Variants in ERC2 observed in about 807,000 individuals in gnomAD.
ERC2 encodes the protein ELKS/RAB6-interacting/CAST family member 2.
ERC2 carries 42 observed loss-of-function variants against 114.8 expected under a neutral mutation model. The ratio of observed to expected loss-of-function variants is 0.37; its 90% CI spans 0.29 to 0.47. The LOEUF (loss-of-function observed/expected upper bound fraction) is 0.47. ERC2 is among the 20% of genes least tolerant of loss of function. The pLI is 0.99. For missense variants in ERC2, 939 were observed against 1,150.7 expected, an observed-to-expected ratio of 0.82 and a Z score of 2.66; for synonymous variants, 454 against 425.5, an observed-to-expected ratio of 1.07 and a Z score of -0.82.
chr3:55,521,557 A>C (rs2052936673), intron 17 of ERC2, among the ~76,000 whole-genome samples: 1 of 152,246 alleles, frequency 6.6e-6, no homozygotes, highest in African/African-American at 2.4e-5. Context: ...CATTTGCTTC[A>C]GGCTGGGCCA....
In ERC2 at chr3:56,405,337, G is replaced by A. The variant is rs540467677; in HGVS notation, c.657+29014C>T. 2.6e-5 allele frequency among the ~76,000 whole-genome samples: 4 copies of A among 152,108 alleles called. No homozygotes were observed. The East Asian group carries it at 5.8e-4, about 22-fold the overall frequency. The stretch of plus-strand genomic sequence containing the variant: ...TGGGTGCCTATAATCCCAGCTACTC[G>A]GGAGGCTTGAGCCTGGGAGGCAGAG... On this transcript the variant is annotated intron_variant, in intron 2 of 17. Transcript: ENST00000288221.
At chr3:56,343,729 C>G (rs1321545692) in intron 2 of ERC2, among the ~76,000 whole-genome samples, 2 of 152,162 alleles carry the variant, frequency 1.3e-5, no homozygotes, top group Non-Finnish European at 2.9e-5. Flanking sequence ...CTAGTAAGTG[C>G]ACCAGAATGT....
intron 7 of ERC2, among the ~76,000 whole-genome samples, chr3:56,072,594 A>C (rs933566248): frequency 6.6e-6 from 1 of 152,206 alleles, no homozygotes; most frequent in Non-Finnish European, 1.5e-5. Context: ...TTCAATCTAC[A>C]TTGAACAGAA....
chr3:56,411,547 C>T (rs1480888505), intron 2 of ERC2, among the ~76,000 whole-genome samples: 3 of 152,014 alleles, frequency 2.0e-5, no homozygotes, highest in Non-Finnish European at 2.9e-5. Flanking sequence ...AAAATTCATT[C>T]CTCTGTTAAA....
chr3:55,766,358 A>C (rs920268264), intron 14 of ERC2, among the ~76,000 whole-genome samples: 1 of 151,332 alleles, frequency 6.6e-6, no homozygotes, highest in Non-Finnish European at 1.5e-5. Context: ...TATTATTTTT[A>C]TTTTATTTAT....
intron 6 of ERC2, among the ~76,000 whole-genome samples, chr3:56,089,284 G>A (rs1291600921): frequency 6.6e-6 from 1 of 152,148 alleles, no homozygotes; most frequent in Non-Finnish European, 1.5e-5. Context: ...TATGTGAGGA[G>A]TGATTTCTCC....
At chr3:56,255,504 A>G (rs2052457213) in intron 3 of ERC2, among the ~76,000 whole-genome samples, 1 of 152,176 alleles carries the variant, frequency 6.6e-6, no homozygotes, top group African/African-American at 2.4e-5. Flanking sequence ...TTGAATGTGC[A>G]TCATCTCATC....
At chr3:55,883,566 ACAC>A (rs1181068364) in intron 14 of ERC2, among the ~76,000 whole-genome samples, 7 of 151,106 alleles carry the variant, frequency 4.6e-5, no homozygotes, top group Non-Finnish European at 7.4e-5. Context: ...ACACACACAC[ACAC>A]AAGTGCATGT....
chr3:55,793,847 T>A (rs2070257241), intron 14 of ERC2, among the ~76,000 whole-genome samples: 1 of 152,166 alleles, frequency 6.6e-6, no homozygotes, highest in Admixed American at 6.5e-5. Flanking sequence ...GAGGCTTTCA[T>A]GAAATTTAAA....
intron 6 of ERC2, among the ~76,000 whole-genome samples, chr3:56,122,162 T>C (rs1173474126): frequency 6.6e-6 from 1 of 152,188 alleles, no homozygotes; most frequent in Non-Finnish European, 1.5e-5. Flanking sequence ...TGTGGAGTAA[T>C]GAGTAGCCAT....
At chr3:56,380,901 C>G (rs2059723800) in intron 2 of ERC2, among the ~76,000 whole-genome samples, 1 of 152,098 alleles carries the variant, frequency 6.6e-6, no homozygotes, top group South Asian at 2.1e-4. Flanking sequence ...GATAATTGAC[C>G]ATCAAACTAG....
chr3:56,275,460 A>G (rs1434264975), intron 3 of ERC2, among the ~76,000 whole-genome samples: 1 of 152,224 alleles, frequency 6.6e-6, no homozygotes, highest in East Asian at 1.9e-4. Flanking sequence ...CCATTTTAAC[A>G]GAGGTGGAAC....
At chr3:56,166,418 C>T (rs1022551075) in intron 4 of ERC2, among the ~76,000 whole-genome samples, 1 of 151,964 alleles carries the variant, frequency 6.6e-6, no homozygotes, top group African/African-American at 2.4e-5. Flanking sequence ...TTTTTCTATT[C>T]TAGAAGAGTT....
chr3:55,641,759 G>A (rs2060196621), intron 17 of ERC2, among the ~76,000 whole-genome samples: 1 of 151,970 alleles, frequency 6.6e-6, no homozygotes, highest in Admixed American at 6.6e-5. Flanking sequence ...CATGAATAAG[G>A]TGTTAAAAGA....
intron 13 of ERC2, among the ~76,000 whole-genome samples, chr3:55,943,560 C>T (rs914083336): frequency 6.6e-6 from 1 of 151,802 alleles, no homozygotes; most frequent in Non-Finnish European, 1.5e-5. Context: ...CAATGAGACT[C>T]ACGACTGCAG....
At chr3:56,058,965 G>T (rs942856649) in intron 7 of ERC2, among the ~76,000 whole-genome samples, 1 of 151,976 alleles carries the variant, frequency 6.6e-6, no homozygotes, top group Non-Finnish European at 1.5e-5. Flanking sequence ...TTTGGTCCAG[G>T]GCCCTTACCC....
intron 15 of ERC2, among the ~76,000 whole-genome samples, chr3:55,713,196 T>C (rs574168990): frequency 2.8e-4 from 42 of 149,556 alleles, no homozygotes; most frequent in South Asian, 8.7e-4. Flanking sequence ...ATATACTTCA[T>C]TCTTTTCCTT....
At chr3:55,757,886 G>C (rs12152439) in intron 14 of ERC2, among the ~76,000 whole-genome samples, 26,064 of 151,744 alleles carry the variant, frequency 0.17, 2,409 homozygotes, top group Middle Eastern at 0.23. Context: ...TTGAGGCTCA[G>C]ATAATATTCC....
Position 56,257,303 on chromosome 3 carries a change from C to A in ERC2, c.1074+38716G>T, listed in dbSNP as rs570416826. 7.2e-5 allele frequency among the ~76,000 whole-genome samples: 11 copies of A among 152,304 alleles called. No individual in the cohort carries two copies. The East Asian group carries it at 9.6e-4, about 13-fold the overall frequency. On this transcript the variant is annotated intron_variant, in intron 3 of 17. Transcript: ENST00000288221. ...ATTTCCAAACATATGTTCCAAGTTT[C>A]TGCCCTAGTAAAGTGGCAAAATATT...
Sources: gnomAD v4.1 joint callset for allele counts (sites outside exome capture counted in the v4.1 genomes callset) on GRCh38, gnomAD v4.1.1 for gene constraint, MANE v1.5 for transcripts, NCBI Gene and HGNC (gene_info 2026-07-23, HGNC 2026-07-21) for gene names.